Variants in SLFN12L observed in about 807,000 individuals in gnomAD.
SLFN12L encodes schlafen family member 12-like.
Under a neutral mutation model 34.8 loss-of-function variants are expected in SLFN12L, and 34 were observed. That is an observed-to-expected ratio of 0.98 (90% CI 0.74 to 1.30). SLFN12L has a LOEUF of 1.30. Ranked by LOEUF, SLFN12L falls within the 50% of genes most tolerant of loss-of-function variation. The pLI is 0.00. For synonymous variants in SLFN12L, 259 were observed against 247.5 expected (o/e 1.05, Z -0.44); for missense variants, 703 against 696.2 (o/e 1.01, Z -0.11).
intron 2 of SLFN12L, 100 bp from the exon 3 acceptor site, chr17:35,480,295 C>T: frequency 1.1e-6 from 1 of 921,410 alleles, no homozygotes; most frequent in Non-Finnish European, 1.6e-6. Context: ...ATATTTTCCA[C>T]TAGACTGGTA....
intron 2 of SLFN12L, among the ~76,000 whole-genome samples, chr17:35,511,189 T>C (rs571696889): frequency 1.3e-5 from 2 of 152,232 alleles, no homozygotes; most frequent in Admixed American, 6.5e-5. Context: ...ATCCCTTTAA[T>C]AGTCACTTAA....
Position 35,475,427 on chromosome 17 carries a change from T to C in SLFN12L, c.1335A>G (p.Gln445=). The C allele has an allele frequency of 8.7e-6, 14 of 1,613,972 alleles. No individual in the cohort carries two copies. The highest frequency in any genetic ancestry group is 1.1e-5 in the Non-Finnish European group (13 of 1,179,962). The change falls in exon 5 of 5, where the codon CAA becomes CAG. Residue 445 remains glutamine, a synonymous_variant. Coordinates refer to ENST00000628453, the MANE Select transcript of SLFN12L (RefSeq NM_001363830.2). The stretch of plus-strand genomic sequence containing the variant: ...ATATTAATTGCTTAAGTCCTTCATG[T>C]TGTGAGAACAGATTTCTGCAGAAGG... ...PKTFCRNLFS[Q]HEGLKQLICE...
At position 35,487,475 on chromosome 17, in the gene SLFN12L, C is replaced by CCA. The variant is rs537602954; in HGVS notation, c.87-7281_87-7280insTG. On this transcript the variant is annotated intron_variant, in intron 2 of 4. Coordinates refer to ENST00000628453, the MANE Select transcript of SLFN12L (RefSeq NM_001363830.2). Reference sequence around the variant, plus strand: ...TCGTCCCGGAGCCCACGGACCACCCCCCCCGGACCCCCGGAATAAGAAACG... The same window carrying CCA: ...TCGTCCCGGAGCCCACGGACCACCCCCACCCCGGACCCCCGGAATAAGAAACG... Among the ~76,000 whole-genome samples the CCA allele has an allele frequency of 4.1e-4, 63 of 152,268 alleles. No individual in the cohort carries two copies. In the South Asian group the frequency reaches 0.012, roughly 28 times the overall value.
At chr17:35,523,436 G>C (rs924286689) in intron 1 of SLFN12L, among the ~76,000 whole-genome samples, 1 of 152,170 alleles carries the variant, frequency 6.6e-6, no homozygotes, top group Non-Finnish European at 1.5e-5. Context: ...GCGGAGAAGA[G>C]GAAGTTACGT....
At chr17:35,493,037 A>G (rs1433679005) in intron 2 of SLFN12L, among the ~76,000 whole-genome samples, 1 of 152,008 alleles carries the variant, frequency 6.6e-6, no homozygotes, top group South Asian at 2.1e-4. Flanking sequence ...TTTCCACAAT[A>G]TGCAAAGTGG....
chr17:35,519,488 T>C (rs1597876965), intron 2 of SLFN12L, among the ~76,000 whole-genome samples: 1 of 152,146 alleles, frequency 6.6e-6, no homozygotes, highest in Admixed American at 6.5e-5. Context: ...AAGTAAAAGA[T>C]TGAATGAATG....
rs577851843 is a variant in SLFN12L, at chr17:35,508,355, A to T, written c.86+13924T>A. ...GTCTGAGTGGTTTTGTCTGCAGCTC[A>T]TCCTGCTACAAGACGGTGTCTCACT... On this transcript the variant is annotated intron_variant, in intron 2 of 4. Transcript: ENST00000628453. Among the ~76,000 whole-genome samples the T allele has an allele frequency of 5.9e-5, 9 of 152,248 alleles. No individual in the cohort carries two copies. In the East Asian group the frequency reaches 1.5e-3, roughly 26 times the overall value.
At chr17:35,530,416 AG>A (rs1325889477) in intron 1 of SLFN12L, among the ~76,000 whole-genome samples, 17 of 12,114 alleles carry the variant, frequency 1.4e-3, no homozygotes, top group Middle Eastern at 0.042. Flanking sequence ...GAAGGAAGGA[AG>A]GAAGGAAGGA....
Position 35,479,694 on chromosome 17 carries a change from C to G in SLFN12L, c.588G>C (p.Gly196=), listed in dbSNP as rs529011623. 6.2e-7 allele frequency: 1 copy of G among 1,613,602 alleles called. No homozygotes were observed. The highest frequency in any genetic ancestry group is 8.5e-7 in the Non-Finnish European group (1 of 1,179,800). The change falls in exon 3 of 5, where the codon GGG becomes GGC. Residue 196 remains glycine (G), a synonymous_variant. Coordinates refer to ENST00000628453, the MANE Select transcript of SLFN12L (RefSeq NM_001363830.2). Reference sequence around the variant, plus strand: ...GGAATTCTGGTCTTAAATATGCTCTCCCTCCAGTTTTTTCCATGTCTTTGA... The same window carrying G: ...GGAATTCTGGTCTTAAATATGCTCTGCCTCCAGTTTTTTCCATGTCTTTGA... The part of the protein sequence containing the change: ...EFLKDMEKTG[G]RAYLRPEFPA...
At chr17:35,537,188 A>G (rs1430691934) in intron 1 of SLFN12L, among the ~76,000 whole-genome samples, 2 of 151,934 alleles carry the variant, frequency 1.3e-5, no homozygotes, top group African/African-American at 2.4e-5. Flanking sequence ...TCAAAAAAAA[A>G]AGAGAATCTT....
At chr17:35,485,948 T>A (rs1056407313) in intron 2 of SLFN12L, among the ~76,000 whole-genome samples, 13 of 152,190 alleles carry the variant, frequency 8.5e-5, no homozygotes, top group Non-Finnish European at 1.5e-4. Context: ...CCCTATCCTG[T>A]TTTGTTCTTT....
intron 2 of SLFN12L, chr17:35,498,242 CCAGATGG>C: frequency 1.3e-6 from 1 of 771,958 alleles, no homozygotes; most frequent in Admixed American, 1.7e-5. Context: ...CCGAGGAGAT[CCAGATGG>C]CAGTGTCCTG....
At position 35,479,573 on chromosome 17, in the gene SLFN12L, T is replaced by G. The variant is rs1189881382; in HGVS notation, c.709A>C (p.Lys237Gln). ...TGTGTGGATTCAGTAAAGGTCAATTTTTCTTTATAACCAAGTTCTGTTCTG... is the reference window on the plus strand; with the variant it reads ...TGTGTGGATTCAGTAAAGGTCAATTGTTCTTTATAACCAAGTTCTGTTCTG... ...FNRTELGYKE[K>Q]LTFTESTHVE... is the part of the protein sequence containing the mutation. Residue 237 changes from lysine (K) to glutamine (Q), a missense_variant, in exon 3 of 5, where the codon AAA (lysine) becomes CAA (glutamine). Physicochemically the swap from Lys to Gln is moderately conservative, Grantham distance 53. Coordinates refer to ENST00000628453, the MANE Select transcript of SLFN12L (RefSeq NM_001363830.2). The G allele has an allele frequency of 1.2e-6, 2 of 1,613,740 alleles. No individual in the cohort carries two copies. Among genetic ancestry groups the G allele is most frequent in the Non-Finnish European group, 1.7e-6 (2 of 1,179,928 alleles).
chr17:35,489,858 C>G (rs1181615850), intron 2 of SLFN12L, among the ~76,000 whole-genome samples: 1 of 152,348 alleles, frequency 6.6e-6, no homozygotes, highest in South Asian at 2.1e-4. Context: ...CTGTCATCTA[C>G]TTCCGGAGAG....
intron 2 of SLFN12L, among the ~76,000 whole-genome samples, chr17:35,518,248 C>G (rs1330714717): frequency 2.0e-4 from 30 of 152,140 alleles, no homozygotes; most frequent in Non-Finnish European, 2.9e-5. Context: ...TGAACAGACA[C>G]TTCTCAAAAG....
intron 1 of SLFN12L, among the ~76,000 whole-genome samples, chr17:35,524,898 A>G (rs1278564593): frequency 6.6e-6 from 1 of 152,124 alleles, no homozygotes; most frequent in East Asian, 1.9e-4. Context: ...GGTGGGTAAT[A>G]ACAAACTCCT....
rs945377296 is a variant in SLFN12L, at chr17:35,474,785, A to T, written c.*138T>A. The T allele has an allele frequency of 7.7e-6, 6 of 775,148 alleles. No homozygotes were observed. Among genetic ancestry groups the T allele is most frequent in the Non-Finnish European group, 1.1e-5 (6 of 523,998 alleles). The allele number at this position is 775,148 out of a possible 1,614,324, so 48.0% of individuals were successfully genotyped here. A position where few individuals can be genotyped will look rare whatever the true frequency, so the allele number is the denominator to read the frequency against. On this transcript the variant is annotated 3_prime_UTR_variant, in exon 5 of 5. Coordinates refer to ENST00000628453, the MANE Select transcript of SLFN12L (RefSeq NM_001363830.2). ...CTAAAAATACAAAAAAAAAAAAATT[A>T]GCCAGGTGTGGTGGCAGGCACATGT...
At chr17:35,487,727 T>C (rs1914647893) in intron 2 of SLFN12L, 3 of 1,535,994 alleles carry the variant, frequency 2.0e-6, no homozygotes, top group Non-Finnish European at 2.6e-6. Flanking sequence ...AGAACGAACC[T>C]GGCGAGGTCC....
intron 2 of SLFN12L, chr17:35,515,276 A>C: frequency 2.5e-6 from 1 of 402,008 alleles, no homozygotes; most frequent in South Asian, 2.2e-5. Context: ...AGCCGCTCAG[A>C]CCCGACGCCG....
Sources: allele counts gnomAD v4.1 joint callset (sites outside exome capture counted in the v4.1 genomes callset), GRCh38; gene constraint gnomAD v4.1.1; transcripts MANE v1.5; gene names NCBI Gene and HGNC (gene_info 2026-07-23, HGNC 2026-07-21).